The following ERBB4 variants were observed in gnomAD, a reference collection of about 807,000 sequenced individuals.
ERBB4 encodes the protein erb-b2 receptor tyrosine kinase 4, also known as receptor tyrosine-protein kinase erbB-4.
In ERBB4, 42 loss-of-function variants were observed where a neutral mutation model predicts 158.0. The observed-to-expected ratio is 0.27, with a 90% CI of 0.21 to 0.34. ERBB4 has a LOEUF of 0.34. Among genes scored for constraint, ERBB4 ranks in the 10% least tolerant of loss-of-function variants. The pLI is 1.00. For missense variants in ERBB4, 1,333 were observed against 1,624.1 expected, an observed-to-expected ratio of 0.82 and a Z score of 3.08; for synonymous variants, 583 against 558.7, an observed-to-expected ratio of 1.04 and a Z score of -0.61.
At chr2:211,663,987 C>G (rs1427775196) in intron 15 of ERBB4, among the ~76,000 whole-genome samples, 1 of 152,022 alleles carries the variant, frequency 6.6e-6, no homozygotes, top group Non-Finnish European at 1.5e-5. Context: ...AGCAAAGTGT[C>G]TATGTGACTA....
chr2:211,503,479 C>G (rs1335888643), intron 20 of ERBB4, among the ~76,000 whole-genome samples: 2 of 152,116 alleles, frequency 1.3e-5, no homozygotes, highest in Non-Finnish European at 1.5e-5. Context: ...CAGCATACCC[C>G]ACATTGATCT....
At chr2:211,568,664 G>A (rs1196511597) in intron 19 of ERBB4, among the ~76,000 whole-genome samples, 2 of 152,102 alleles carry the variant, frequency 1.3e-5, no homozygotes, top group African/African-American at 4.8e-5. Context: ...TTGCATCAGA[G>A]ATAGGGAAGA....
At chr2:211,509,370 A>C (rs1032348840) in intron 20 of ERBB4, among the ~76,000 whole-genome samples, 9 of 152,042 alleles carry the variant, frequency 5.9e-5, no homozygotes, top group Non-Finnish European at 1.2e-4. Flanking sequence ...AAACAAATAA[A>C]ACTGGGATAA....
chr2:211,718,675 T>C (rs771810889), intron 7 of ERBB4, among the ~76,000 whole-genome samples: 6 of 152,110 alleles, frequency 3.9e-5, no homozygotes, highest in Non-Finnish European at 7.3e-5. Context: ...ATTTATATAC[T>C]ACTGATGAGC....
In ERBB4 at chr2:211,433,336, C is replaced by T. The variant is rs568313300; in HGVS notation, c.2488-2236G>A. 4.5e-4 allele frequency among the ~76,000 whole-genome samples: 69 copies of T among 151,896 alleles called. 1 individual carries two copies. The highest frequency in any genetic ancestry group is 1.5e-3 in the African/African-American group (61 of 41,420). ...GTGGCTCACGCCTGTAATACTGGCA[C>T]TTTGGGAGGCCGAGGTGGGTGGATC... On this transcript the variant is annotated intron_variant, in intron 20 of 27. Transcript: ENST00000342788.
intron 3 of ERBB4, among the ~76,000 whole-genome samples, chr2:211,927,353 A>T (rs1256756616): frequency 6.6e-6 from 1 of 152,198 alleles, no homozygotes; most frequent in African/African-American, 2.4e-5. Context: ...ACTTTAATAT[A>T]ATATGGATAT....
chr2:211,663,977 A>T (rs972705450), intron 15 of ERBB4, among the ~76,000 whole-genome samples: 4 of 152,144 alleles, frequency 2.6e-5, no homozygotes, highest in African/African-American at 9.7e-5. Flanking sequence ...GTTTCCTTGA[A>T]GCAAAGTGTC....
At chr2:211,658,802 A>G (rs1283616094) in intron 15 of ERBB4, among the ~76,000 whole-genome samples, 1 of 152,166 alleles carries the variant, frequency 6.6e-6, no homozygotes, top group African/African-American at 2.4e-5. Flanking sequence ...ATGGAATTAC[A>G]TAAGTACACA....
chr2:212,169,338 A>T (rs1307489196), intron 1 of ERBB4, among the ~76,000 whole-genome samples: 2 of 152,128 alleles, frequency 1.3e-5, no homozygotes, highest in East Asian at 1.9e-4. Flanking sequence ...ATTCAGATTT[A>T]AAAAAATAAG....
chr2:212,039,453 A>G (rs1050787950), intron 2 of ERBB4, among the ~76,000 whole-genome samples: 6 of 152,182 alleles, frequency 3.9e-5, no homozygotes, highest in Non-Finnish European at 8.8e-5. Flanking sequence ...TTTAATGCTT[A>G]GTACCTCTTT....
intron 19 of ERBB4, among the ~76,000 whole-genome samples, chr2:211,567,657 C>G (rs1255731605): frequency 3.9e-5 from 6 of 152,008 alleles, no homozygotes; most frequent in African/African-American, 1.2e-4. Context: ...GGCAAAAAAG[C>G]TGGGTTTCTA....
At position 212,254,775 on chromosome 2, in the gene ERBB4, G is replaced by A. The variant is rs190775175; in HGVS notation, c.83-129872C>T. Reference sequence around the variant, plus strand: ...GTGCAGTGTTTATGCATTAAAAGAGGATAAGGGACATGTTGTAAAGGTCTG... The same window carrying A: ...GTGCAGTGTTTATGCATTAAAAGAGAATAAGGGACATGTTGTAAAGGTCTG... On this transcript the variant is annotated intron_variant, in intron 1 of 27. Transcript: ENST00000342788. 4.6e-5 allele frequency among the ~76,000 whole-genome samples: 7 copies of A among 152,226 alleles called. No individual in the cohort carries two copies. The East Asian group carries it at 1.4e-3, about 29-fold the overall frequency.
At chr2:211,682,245 G>A (rs549134084) in intron 12 of ERBB4, among the ~76,000 whole-genome samples, 1 of 152,070 alleles carries the variant, frequency 6.6e-6, no homozygotes, top group African/African-American at 2.4e-5. Context: ...AAGTCCAAAG[G>A]CCTAAGAACC....
intron 19 of ERBB4, among the ~76,000 whole-genome samples, chr2:211,587,193 C>CAAA (rs397806638): frequency 7.6e-6 from 1 of 132,030 alleles, no homozygotes; most frequent in Non-Finnish European, 1.7e-5. Context: ...TCTCTACTTA[C>CAAA]AAAAAAAAAA....
rs187773719 is a variant in ERBB4, at chr2:211,575,882, T to C, written c.2302-13794A>G. Among the ~76,000 whole-genome samples the C allele has an allele frequency of 4.3e-3, 649 of 152,306 alleles. 5 individuals are homozygous for C. The highest frequency in any genetic ancestry group is 0.015 in the African/African-American group (622 of 41,576). The stretch of plus-strand genomic sequence containing the variant: ...ATGTAGGATAATTTATATGTAGAAA[T>C]CATTTGTCTGTCATTCACATATTTT... On this transcript the variant is annotated intron_variant, in intron 19 of 27. Transcript: ENST00000342788.
chr2:212,349,200 T>G (rs1445348329), intron 1 of ERBB4, among the ~76,000 whole-genome samples: 2 of 152,180 alleles, frequency 1.3e-5, no homozygotes, highest in Non-Finnish European at 2.9e-5. Flanking sequence ...GTTTTATACC[T>G]GGGCTGTTAA....
chr2:211,831,477 A>G (rs999817084), intron 3 of ERBB4, among the ~76,000 whole-genome samples: 5 of 152,216 alleles, frequency 3.3e-5, no homozygotes, highest in African/African-American at 1.2e-4. Context: ...GAGTAGTCAA[A>G]TATTCCAGCT....
chr2:212,059,562 C>T (rs2077694215), intron 2 of ERBB4, among the ~76,000 whole-genome samples: 2 of 152,104 alleles, frequency 1.3e-5, no homozygotes, highest in Admixed American at 6.5e-5. Flanking sequence ...GCTATAGTAA[C>T]CAAAACAGCA....
At chr2:211,790,305 A>G (rs1407126375) in intron 3 of ERBB4, among the ~76,000 whole-genome samples, 1 of 152,092 alleles carries the variant, frequency 6.6e-6, no homozygotes, top group East Asian at 1.9e-4. Flanking sequence ...GTCTACATTT[A>G]GAAAAGTTCT....
Sources: allele counts gnomAD v4.1 joint callset (sites outside exome capture counted in the v4.1 genomes callset), GRCh38; gene constraint gnomAD v4.1.1; transcripts MANE v1.5; gene names NCBI Gene and HGNC (gene_info 2026-07-23, HGNC 2026-07-21).